Variants in SLC24A2 observed in about 807,000 individuals in gnomAD.
SLC24A2 encodes the protein solute carrier family 24 member 2, also known as sodium/potassium/calcium exchanger 2.
Under a neutral mutation model 62.0 loss-of-function variants are expected in SLC24A2, and 36 were observed. The observed-to-expected ratio is 0.58, with a 90% CI of 0.44 to 0.77. The LOEUF (loss-of-function observed/expected upper bound fraction) is 0.77. SLC24A2 is among the 30% of genes least tolerant of loss of function. SLC24A2 has a pLI of 0.00. For synonymous variants in SLC24A2, 358 were observed against 294.0 expected, an observed-to-expected ratio of 1.22 and a Z score of -2.23; for missense variants, 846 against 817.9, an observed-to-expected ratio of 1.03 and a Z score of -0.42.
upstream of SLC24A2, among the ~76,000 whole-genome samples, chr9:19,789,692 G>C (rs1012663267): frequency 6.6e-6 from 1 of 152,196 alleles, no homozygotes; most frequent in Non-Finnish European, 1.5e-5. Flanking sequence ...ACAAGAAATA[G>C]AATCAGGCTT....
chr9:19,525,327 T>C (rs1249748224), intron 9 of SLC24A2, among the ~76,000 whole-genome samples: 2 of 150,572 alleles, frequency 1.3e-5, no homozygotes, highest in African/African-American at 4.9e-5. Context: ...TTACATAGAG[T>C]AAAACTCATT....
chr9:20,233,947 G>C, the SLC24A2 span, among the ~76,000 whole-genome samples: 1 of 152,130 alleles, frequency 6.6e-6, no homozygotes, highest in South Asian at 2.1e-4. Context: ...CTCAGCTTTT[G>C]CTTGTCTGTA....
rs199744137 is a variant in SLC24A2, at chr9:19,619,685, G to A, written c.977C>T (p.Pro326Leu). The A allele has an allele frequency of 7.3e-5, 118 of 1,613,220 alleles. No individual in the cohort carries two copies. The highest frequency in any genetic ancestry group is 6.7e-4 in the East Asian group (30 of 44,860). ...AGAGCTTCCACCTCGCTGGAGACGC[G>A]GCTTAGCCTGAGCAGAGAAACCAAA... ...DKDEPTLPAKPRLQRGGSSAS... is the reference protein window; with the variant it reads ...DKDEPTLPAKLRLQRGGSSAS... Residue 326 changes from proline (P) to leucine (L), a missense_variant, in exon 4 of 11, where the codon CCG (proline) becomes CTG (leucine). Pro to Leu is a moderately conservative substitution (Grantham distance 98, BLOSUM62 -3). Transcript: ENST00000341998.
chr9:20,040,258 T>C, the SLC24A2 span, among the ~76,000 whole-genome samples: 1 of 152,214 alleles, frequency 6.6e-6, no homozygotes, highest in Admixed American at 6.5e-5. Flanking sequence ...ATCTTGGTGC[T>C]ATGTTTTGTT....
the SLC24A2 span, among the ~76,000 whole-genome samples, chr9:20,061,257 T>A: frequency 6.6e-6 from 1 of 151,978 alleles, no homozygotes; most frequent in Non-Finnish European, 1.5e-5. Context: ...AACAGAAGTC[T>A]AGAAATATGT....
the SLC24A2 span, among the ~76,000 whole-genome samples, chr9:19,923,912 T>C: frequency 6.6e-6 from 1 of 152,180 alleles, no homozygotes; most frequent in Non-Finnish European, 1.5e-5. Context: ...CATGTCTGGC[T>C]AATTTTTGTA....
the SLC24A2 span, among the ~76,000 whole-genome samples, chr9:20,153,668 C>A: frequency 2.6e-4 from 40 of 151,700 alleles, no homozygotes; most frequent in Non-Finnish European, 1.8e-4. Context: ...CCTAATATAA[C>A]ACTTCTTCAG....
At chr9:19,829,469 A>T in the SLC24A2 span, among the ~76,000 whole-genome samples, 7 of 152,170 alleles carry the variant, frequency 4.6e-5, no homozygotes, top group African/African-American at 1.7e-4. Flanking sequence ...GGTTTGGCCA[A>T]TGCCTTTTAA....
the SLC24A2 span, among the ~76,000 whole-genome samples, chr9:19,962,245 C>G: frequency 6.6e-6 from 1 of 152,128 alleles, no homozygotes; most frequent in Admixed American, 6.5e-5. Context: ...GTAGCAGTAC[C>G]ATGCTGTTTT....
the SLC24A2 span, among the ~76,000 whole-genome samples, chr9:20,283,884 T>C: frequency 2.6e-5 from 4 of 152,124 alleles, no homozygotes; most frequent in African/African-American, 9.7e-5. Flanking sequence ...TTTAGGGAGT[T>C]ATACGCATGC....
At chr9:19,566,994 G>C (rs1835677988) in intron 7 of SLC24A2, among the ~76,000 whole-genome samples, 1 of 150,146 alleles carries the variant, frequency 6.7e-6, no homozygotes. Flanking sequence ...AGCATTAGGA[G>C]ATATATCTAA....
chr9:19,719,505 G>C (rs561340731), intron 2 of SLC24A2, among the ~76,000 whole-genome samples: 1 of 152,158 alleles, frequency 6.6e-6, no homozygotes, highest in Non-Finnish European at 1.5e-5. Flanking sequence ...CTGAGGCTGA[G>C]AAATGAGAGG....
the SLC24A2 span, among the ~76,000 whole-genome samples, chr9:20,047,438 G>A: frequency 2.6e-5 from 4 of 151,508 alleles, no homozygotes; most frequent in Admixed American, 6.6e-5. Flanking sequence ...ATTAAGATAA[G>A]GGGATGAAAA....
chr9:20,306,775 C>T, the SLC24A2 span, among the ~76,000 whole-genome samples: 1 of 152,210 alleles, frequency 6.6e-6, no homozygotes, highest in Non-Finnish European at 1.5e-5. Context: ...TGGTCCACTG[C>T]AACCTCTGCC....
chr9:19,580,779 C>T (rs1836180897), intron 5 of SLC24A2, among the ~76,000 whole-genome samples: 1 of 152,096 alleles, frequency 6.6e-6, no homozygotes, highest in African/African-American at 2.4e-5. Context: ...TATTTCTGTG[C>T]TTTAGTTTTC....
the SLC24A2 span, among the ~76,000 whole-genome samples, chr9:19,852,704 G>A: frequency 6.6e-6 from 1 of 152,122 alleles, no homozygotes; most frequent in Non-Finnish European, 1.5e-5. Context: ...TCAGTACCAT[G>A]CTGTTTTGGT....
chr9:19,882,162 C>A, the SLC24A2 span, among the ~76,000 whole-genome samples: 48 of 152,234 alleles, frequency 3.2e-4, no homozygotes, highest in South Asian at 1.5e-3. Context: ...ATTTTAGAGG[C>A]TGCTGTTAAA....
chr9:20,169,788 A>G, the SLC24A2 span, among the ~76,000 whole-genome samples: 1 of 152,100 alleles, frequency 6.6e-6, no homozygotes, highest in East Asian at 2.0e-4. Flanking sequence ...CACCCCCCCA[A>G]AAAATCACAC....
At chr9:20,122,020 A>G in the SLC24A2 span, among the ~76,000 whole-genome samples, 1 of 152,206 alleles carries the variant, frequency 6.6e-6, no homozygotes, top group African/African-American at 2.4e-5. Flanking sequence ...GCATCTCCTG[A>G]GAATGTGTTC....
Sources: gnomAD v4.1 joint callset for allele counts (sites outside exome capture counted in the v4.1 genomes callset) on GRCh38, gnomAD v4.1.1 for gene constraint, MANE v1.5 for transcripts, NCBI Gene and HGNC (gene_info 2026-07-23, HGNC 2026-07-21) for gene names.